ABCC6: variants seen among roughly 807,000 people sequenced by gnomAD.
ABCC6 encodes the protein ATP binding cassette subfamily C member 6.
ABCC6 carries 126 observed loss-of-function variants against 169.5 expected under a neutral mutation model. The observed-to-expected ratio is 0.74, with a 90% CI of 0.64 to 0.86. The LOEUF is 0.86. Among genes scored for constraint, ABCC6 ranks in the 40% least tolerant of loss-of-function variants. ABCC6 has a pLI of 0.00. For synonymous variants in ABCC6, 752 were observed against 814.7 expected (o/e 0.92, Z 1.31); for missense variants, 1,733 against 1,927.2 (o/e 0.90, Z 1.89).
At chr16:16,166,031 AT>A in intron 22 of ABCC6, 98 bp from the exon 23 acceptor site, 1 of 1,261,784 alleles carries the variant, frequency 7.9e-7, no homozygotes. Flanking sequence ...CATGGTGGAC[AT>A]CTTATGGCTT....
chr16:16,172,056 G>T (rs909471558), intron 21 of ABCC6, among the ~76,000 whole-genome samples: 26 of 26,048 alleles, frequency 1.0e-3, no homozygotes, highest in African/African-American at 3.9e-3. Context: ...GAGTGGGATG[G>T]ATAAATGAGT....
chr16:16,158,455 A>ATCCC (rs149907344), intron 26 of ABCC6, among the ~76,000 whole-genome samples: 31,988 of 151,490 alleles, frequency 0.21, 3,952 homozygotes, highest in South Asian at 0.42. Flanking sequence ...CCATCCATCC[A>ATCCC]TCTCCAATCC....
At chr16:16,181,334 C>G (rs2047461638) in intron 17 of ABCC6, among the ~76,000 whole-genome samples, 1 of 126,696 alleles carries the variant, frequency 7.9e-6, no homozygotes, top group Non-Finnish European at 1.6e-5. Flanking sequence ...CAGAGCGAGA[C>G]TCCGTCTCAG....
intron 15 of ABCC6, among the ~76,000 whole-genome samples, chr16:16,183,134 G>A (rs544051428): frequency 2.1e-4 from 32 of 152,086 alleles, no homozygotes; most frequent in Admixed American, 6.5e-5. Context: ...CACACAAAGC[G>A]TGCACACATG....
At position 16,220,711 on chromosome 16, in the gene ABCC6, C is replaced by T. The variant is rs575142704; in HGVS notation, c.220-764G>A. On this transcript the variant is annotated intron_variant, in intron 2 of 30. Coordinates refer to ENST00000205557, the MANE Select transcript of ABCC6 (RefSeq NM_001171.6). The stretch of plus-strand genomic sequence containing the variant: ...AGGAGTTGGAGACCAGCCTGGCCAA[C>T]ATGGCGAAACCCTGTTTCTACTAAA... Among the ~76,000 whole-genome samples the T allele has an allele frequency of 1.8e-3, 267 of 152,226 alleles. 1 individual carries two copies. Among genetic ancestry groups the T allele is most frequent in the African/African-American group, 6.0e-3 (250 of 41,538 alleles).
Position 16,150,044 on chromosome 16 carries a change from G to A in ABCC6, c.*89C>T. On this transcript the variant is annotated 3_prime_UTR_variant, in exon 31 of 31. Coordinates refer to ENST00000205557, the MANE Select transcript of ABCC6 (RefSeq NM_001171.6). ...CACAGGTCTAGACTCAATATCGTGT[G>A]GAGCTATCGATGACCACGGGTCACT... is the stretch of plus-strand genomic sequence containing the variant. 1 of 1,553,226 alleles carries A rather than the reference G, an allele frequency of 6.4e-7. No homozygotes were observed. Among genetic ancestry groups the A allele is most frequent in the Admixed American group, 1.9e-5 (1 of 53,800 alleles).
intron 9 of ABCC6, among the ~76,000 whole-genome samples, chr16:16,199,994 G>T (rs2048184224): frequency 6.6e-6 from 1 of 151,888 alleles, no homozygotes; most frequent in Non-Finnish European, 1.5e-5. Flanking sequence ...CTTGAACCCA[G>T]GAGGCAGAGG....
At chr16:16,150,311 A>G (rs2046350984) in intron 30 of ABCC6, 70 bp from the exon 31 acceptor site, 1 of 1,605,992 alleles carries the variant, frequency 6.2e-7, no homozygotes, top group East Asian at 2.2e-5. Flanking sequence ...GTGAGAGCCC[A>G]GTGTGTCTGC....
intron 17 of ABCC6, among the ~76,000 whole-genome samples, chr16:16,181,356 A>T (rs995173159): frequency 2.5e-5 from 3 of 118,092 alleles, no homozygotes; most frequent in Non-Finnish European, 5.8e-5. Flanking sequence ...AAAAAAAAAA[A>T]AAAAAAAAAA....
intron 10 of ABCC6, among the ~76,000 whole-genome samples, chr16:16,194,250 C>T (rs2047960352): frequency 6.6e-6 from 1 of 152,206 alleles, no homozygotes; most frequent in Admixed American, 6.5e-5. Context: ...TAATTATTTT[C>T]CTAATCTTCA....
intron 9 of ABCC6, 79 bp downstream of exon 9, chr16:16,201,922 C>A: frequency 1.3e-6 from 2 of 1,547,868 alleles, no homozygotes; most frequent in Non-Finnish European, 1.8e-6. Context: ...GCGTTCTCAG[C>A]TGCTGATAAC....
chr16:16,185,115 C>T, intron 14 of ABCC6, 81 bp from the exon 15 acceptor site: 1 of 1,305,862 alleles, frequency 7.7e-7, no homozygotes, highest in East Asian at 2.3e-5. Flanking sequence ...GGCACCATCC[C>T]CCGCCCCCCC....
In ABCC6 at chr16:16,172,582, G is replaced by T. The variant is rs181905606; in HGVS notation, c.2787+702C>A. On this transcript the variant is annotated intron_variant, in intron 21 of 30. Transcript: ENST00000205557. ...GATGGATAGGTGGGTGGGTGGATGAGCATCTAGGTGGATGATGGAATGGGT... is the reference window on the plus strand; with the variant it reads ...GATGGATAGGTGGGTGGGTGGATGATCATCTAGGTGGATGATGGAATGGGT... 4.4e-3 allele frequency among the ~76,000 whole-genome samples: 665 copies of T among 152,184 alleles called. 5 individuals are homozygous for T. Among genetic ancestry groups the T allele is most frequent in the African/African-American group, 0.015 (628 of 41,484 alleles).
intron 26 of ABCC6, among the ~76,000 whole-genome samples, chr16:16,159,271 C>T (rs1417307861): frequency 6.6e-6 from 1 of 152,150 alleles, no homozygotes; most frequent in African/African-American, 2.4e-5. Context: ...AGCTCAGAAG[C>T]AAAGGAACCA....
chr16:16,222,904 T>G (rs573660649), intron 1 of ABCC6: 122 of 202,638 alleles, frequency 6.0e-4, no homozygotes, highest in East Asian at 2.7e-3. Context: ...TTAAATGGAT[T>G]AATAGCAGCA....
At chr16:16,192,429 G>A (rs1343599715) in intron 11 of ABCC6, among the ~76,000 whole-genome samples, 1 of 152,166 alleles carries the variant, frequency 6.6e-6, no homozygotes, top group Non-Finnish European at 1.5e-5. Context: ...GGCTGGGAGT[G>A]GAGAGAGGCT....
In ABCC6 at chr16:16,199,610, G is replaced by C. The variant is rs1457662127; in HGVS notation, c.1177-1428C>G. Among the ~76,000 whole-genome samples, 2 of 126,880 alleles carry C rather than the reference G, an allele frequency of 1.6e-5. 1 individual carries two copies. Among genetic ancestry groups the C allele is most frequent in the Admixed American group, 1.7e-4 (2 of 11,496 alleles). The allele number at this position is 126,880 out of a possible 152,430, so 83.2% of individuals were successfully genotyped here. A position where few individuals can be genotyped will look rare whatever the true frequency, so the allele number is the denominator to read the frequency against. Reference sequence around the variant, plus strand: ...GTGAGGGTGTGAAGAAGTGATCCAGGAATGACTGGACATAGAAATTCTCCA... The same window carrying C: ...GTGAGGGTGTGAAGAAGTGATCCAGCAATGACTGGACATAGAAATTCTCCA... On this transcript the variant is annotated intron_variant, in intron 9 of 30. Coordinates refer to ENST00000205557, the MANE Select transcript of ABCC6 (RefSeq NM_001171.6).
intron 24 of ABCC6, among the ~76,000 whole-genome samples, chr16:16,162,766 C>G (rs1476523574): frequency 6.6e-6 from 1 of 152,292 alleles, no homozygotes; most frequent in East Asian, 1.9e-4. Context: ...ATCCAGTTGC[C>G]TGGCAACAGA....
chr16:16,162,837 G>A (rs1387549858), intron 24 of ABCC6, among the ~76,000 whole-genome samples, 156 bp downstream of exon 24: 1 of 152,242 alleles, frequency 6.6e-6, no homozygotes, highest in Middle Eastern at 3.4e-3. Flanking sequence ...TGTTCCATCT[G>A]CCCACGGTGA....
Sources: allele counts gnomAD v4.1 joint callset (sites outside exome capture counted in the v4.1 genomes callset), GRCh38; gene constraint gnomAD v4.1.1; transcripts MANE v1.5; gene names NCBI Gene and HGNC (gene_info 2026-07-23, HGNC 2026-07-21).